Variants in SHANK2 observed in about 807,000 individuals in gnomAD.
SHANK2 encodes the protein SH3 and multiple ankyrin repeat domains protein 2.
Under a neutral mutation model 133.7 loss-of-function variants are expected in SHANK2, and 43 were observed. The ratio of observed to expected loss-of-function variants is 0.32; its 90% CI spans 0.25 to 0.41. The LOEUF (loss-of-function observed/expected upper bound fraction) is 0.41, where lower values mean the gene tolerates loss of function less well. Ranked by LOEUF, SHANK2 falls within the 10% of genes least tolerant of loss-of-function variation. SHANK2 has a pLI of 1.00. For synonymous variants in SHANK2, 1,017 were observed against 952.8 expected (o/e 1.07, Z -1.24); for missense variants, 1,994 against 2,235.8 (o/e 0.89, Z 2.18).
chr11:71,149,752 G>T (rs555957180), intron 2 of SHANK2, among the ~76,000 whole-genome samples: 1 of 125,594 alleles, frequency 8.0e-6, no homozygotes, highest in African/African-American at 3.7e-5. Flanking sequence ...GAAGGGAGGA[G>T]GGGAGGGAAG....
At chr11:70,929,800 A>T (rs782073833) in intron 10 of SHANK2, among the ~76,000 whole-genome samples, 30 of 152,318 alleles carry the variant, frequency 2.0e-4, no homozygotes, top group Admixed American at 7.8e-4. Context: ...GGATGCAGAC[A>T]TGTTTGGGGG....
chr11:70,586,196 A>G (rs536563524), intron 17 of SHANK2, among the ~76,000 whole-genome samples: 124 of 152,244 alleles, frequency 8.1e-4, no homozygotes, highest in African/African-American at 2.7e-3. Flanking sequence ...TGTAACTGTC[A>G]GGACTGAATG....
chr11:70,599,816 AGAAGGAAG>A (rs139806999), intron 17 of SHANK2, among the ~76,000 whole-genome samples: 15 of 136,650 alleles, frequency 1.1e-4, no homozygotes, highest in South Asian at 2.5e-4. Context: ...AAGAAGAGGG[AGAAGGAAG>A]GAAGGAAGGA....
intron 3 of SHANK2, among the ~76,000 whole-genome samples, chr11:71,143,603 C>T (rs1240753755): frequency 2.6e-5 from 4 of 152,126 alleles, no homozygotes; most frequent in Admixed American, 2.6e-4. Context: ...CAGCAAAGGG[C>T]TGAAGTGCTG....
chr11:70,647,025 C>T (rs2061273290), intron 17 of SHANK2, among the ~76,000 whole-genome samples: 1 of 151,884 alleles, frequency 6.6e-6, no homozygotes, highest in African/African-American at 2.4e-5. Flanking sequence ...CCATGCCCAG[C>T]AAATTTTTGT....
chr11:70,826,317 TC>T, intron 11 of SHANK2: 1 of 399,256 alleles, frequency 2.5e-6, no homozygotes, highest in Admixed American at 2.8e-5. Context: ...CCAAACCGTA[TC>T]CCAAACCAAA....
chr11:70,913,098 A>C (rs1211656606), intron 10 of SHANK2, among the ~76,000 whole-genome samples: 2 of 151,782 alleles, frequency 1.3e-5, no homozygotes, highest in Non-Finnish European at 2.9e-5. Context: ...AAAAAAAAAA[A>C]AACCTACCCT....
At chr11:70,741,045 C>A (rs1042076076) in intron 14 of SHANK2, among the ~76,000 whole-genome samples, 2 of 152,204 alleles carry the variant, frequency 1.3e-5, no homozygotes, top group Non-Finnish European at 2.9e-5. Flanking sequence ...CCGCTCATCC[C>A]ATCTGTCTAT....
At chr11:70,853,068 G>A (rs948921178) in intron 11 of SHANK2, among the ~76,000 whole-genome samples, 3 of 152,252 alleles carry the variant, frequency 2.0e-5, no homozygotes, top group African/African-American at 7.2e-5. Context: ...CATCTGGGGT[G>A]CCCCCTGCTG....
chr11:70,615,115 A>C (rs1033611916), intron 17 of SHANK2, among the ~76,000 whole-genome samples: 9 of 152,320 alleles, frequency 5.9e-5, no homozygotes, highest in Middle Eastern at 6.8e-3. Context: ...GGGGATCATG[A>C]ACTCAACACT....
intron 17 of SHANK2, among the ~76,000 whole-genome samples, chr11:70,565,504 C>T (rs1000021158): frequency 4.6e-5 from 7 of 152,188 alleles, no homozygotes; most frequent in Admixed American, 1.3e-4. Context: ...CCTCGGCCTC[C>T]GAAAGCACTG....
intron 15 of SHANK2, among the ~76,000 whole-genome samples, chr11:70,688,671 T>C (rs1555020287): frequency 6.6e-6 from 1 of 151,946 alleles, no homozygotes; most frequent in Non-Finnish European, 1.5e-5. Flanking sequence ...GAGCTGAGAG[T>C]GGATGATCTT....
At chr11:70,557,550 G>A (rs1376494076) in intron 17 of SHANK2, among the ~76,000 whole-genome samples, 2 of 152,152 alleles carry the variant, frequency 1.3e-5, no homozygotes, top group African/African-American at 4.8e-5. Flanking sequence ...GCTTGATGTC[G>A]GTCTTGCTGC....
At chr11:70,578,585 A>G (rs1354302848) in intron 17 of SHANK2, among the ~76,000 whole-genome samples, 4 of 152,134 alleles carry the variant, frequency 2.6e-5, no homozygotes, top group Non-Finnish European at 4.4e-5. Context: ...TGTGGAGTAG[A>G]CAGCGTGTCC....
intron 14 of SHANK2, among the ~76,000 whole-genome samples, chr11:70,740,050 G>A (rs1262688480): frequency 2.0e-5 from 3 of 151,814 alleles, no homozygotes; most frequent in Middle Eastern, 3.2e-3. Flanking sequence ...TAATGGCTCC[G>A]TCCACAGCAC....
chr11:70,608,883 A>G (rs1321777552), intron 17 of SHANK2, among the ~76,000 whole-genome samples: 1 of 152,204 alleles, frequency 6.6e-6, no homozygotes, highest in Non-Finnish European at 1.5e-5. Flanking sequence ...GTCCCCAGGA[A>G]CTCTCTGGAA....
At chr11:70,899,600 G>C (rs768767461) in intron 10 of SHANK2, among the ~76,000 whole-genome samples, 1 of 152,156 alleles carries the variant, frequency 6.6e-6, no homozygotes, top group Non-Finnish European at 1.5e-5. Context: ...CTGAGGTGCC[G>C]TCCTCCCAAA....
intron 14 of SHANK2, among the ~76,000 whole-genome samples, chr11:70,741,186 TG>T (rs1946516035): frequency 1.4e-5 from 1 of 69,326 alleles, no homozygotes; most frequent in Non-Finnish European, 3.6e-5. Context: ...CATCCATCCA[TG>T]CATTCAACCA....
intron 12 of SHANK2, among the ~76,000 whole-genome samples, chr11:70,809,616 TG>T (rs1948237111): frequency 1.3e-5 from 2 of 152,332 alleles, no homozygotes; most frequent in South Asian, 4.1e-4. Context: ...ACCTTACCCA[TG>T]TCAACGTGTT....
Sources: gnomAD v4.1 joint callset for allele counts (sites outside exome capture counted in the v4.1 genomes callset) on GRCh38, gnomAD v4.1.1 for gene constraint, MANE v1.5 for transcripts, NCBI Gene and HGNC (gene_info 2026-07-23, HGNC 2026-07-21) for gene names.